Variants in MMD observed in about 807,000 individuals in gnomAD.
MMD encodes the protein monocyte to macrophage differentiation associated, also known as monocyte to macrophage differentiation factor.
Under a neutral mutation model 33.6 loss-of-function variants are expected in MMD, and 22 were observed. The ratio of observed to expected loss-of-function variants is 0.66; its 90% CI spans 0.47 to 0.94. The LOEUF is 0.94. Among genes scored for constraint, MMD ranks in the 40% least tolerant of loss-of-function variants. The pLI is 0.00. For missense variants in MMD, 242 were observed against 309.8 expected, an observed-to-expected ratio of 0.78 and a Z score of 1.64; for synonymous variants, 97 against 103.2, an observed-to-expected ratio of 0.94 and a Z score of 0.36.
chr17:55,403,669 C>T (rs747798512), intron 5 of MMD, 98 bp downstream of exon 5: 2 of 760,204 alleles, frequency 2.6e-6, no homozygotes, highest in Non-Finnish European at 4.2e-6. Context: ...TGTATTTCTA[C>T]TGTTTTGAAG....
intron 6 of MMD, among the ~76,000 whole-genome samples, chr17:55,399,953 G>GCACAAACC (rs1209056418): frequency 6.6e-6 from 1 of 152,114 alleles, no homozygotes; most frequent in Non-Finnish European, 1.5e-5. Flanking sequence ...CTATTAAGCT[G>GCACAAACC]CACAAACCTT....
At chr17:55,404,063 C>T (rs1247301171) in intron 4 of MMD, among the ~76,000 whole-genome samples, 195 bp from the exon 5 acceptor site, 1 of 152,146 alleles carries the variant, frequency 6.6e-6, no homozygotes, top group African/African-American at 2.4e-5. Context: ...ACCTTTAAGA[C>T]TCAGAATTAG....
At chr17:55,411,565 A>G in intron 2 of MMD, 148 bp from the exon 3 acceptor site, 1 of 1,032,822 alleles carries the variant, frequency 9.7e-7, no homozygotes, top group Non-Finnish European at 1.4e-6. Flanking sequence ...TCATAACGAG[A>G]GCCAGATGAA....
chr17:55,400,653 C>A (rs142306911), intron 6 of MMD, among the ~76,000 whole-genome samples: 30 of 151,706 alleles, frequency 2.0e-4, no homozygotes, highest in African/African-American at 7.0e-4. Context: ...AGGGTTCAAA[C>A]GAAACACCTT....
chr17:55,406,838 T>C (rs948581319), intron 4 of MMD, among the ~76,000 whole-genome samples: 4 of 151,338 alleles, frequency 2.6e-5, no homozygotes, highest in African/African-American at 4.9e-5. Context: ...GTGAGCTGCA[T>C]GGCCAACACA....
intron 2 of MMD, among the ~76,000 whole-genome samples, chr17:55,412,783 G>A (rs889008794): frequency 4.7e-4 from 72 of 152,058 alleles, no homozygotes; most frequent in Non-Finnish European, 9.0e-4. Flanking sequence ...TCTATGGCTC[G>A]CCTTCCTATT....
At chr17:55,414,746 C>T (rs943611976) in intron 1 of MMD, among the ~76,000 whole-genome samples, 38 of 152,172 alleles carry the variant, frequency 2.5e-4, no homozygotes, top group Middle Eastern at 3.4e-3. Context: ...ACCCTACATC[C>T]CATGATTAAC....
chr17:55,411,864 C>T (rs1010996992), intron 2 of MMD, among the ~76,000 whole-genome samples: 2 of 152,092 alleles, frequency 1.3e-5, no homozygotes, highest in African/African-American at 4.8e-5. Flanking sequence ...ATCGCTTGAG[C>T]CCTGGAGTTC....
rs1907028796 is a variant in MMD, at chr17:55,394,503, C to T, written c.548G>A (p.Cys183Tyr). 8 of 1,523,242 alleles carry T rather than the reference C, an allele frequency of 5.3e-6. No individual in the cohort carries two copies. The highest frequency in any genetic ancestry group is 7.0e-6 in the Non-Finnish European group (8 of 1,139,822). The allele number at this position is 1,523,242 out of a possible 1,614,324, so 94.4% of individuals were successfully genotyped here. A position where few individuals can be genotyped will look rare whatever the true frequency, so the allele number is the denominator to read the frequency against. The change falls in exon 7 of 7, where the codon TGT (cysteine) becomes TAT (tyrosine). Residue 183 changes from cysteine to tyrosine, a missense_variant. Coordinates refer to ENST00000262065, the MANE Select transcript of MMD (RefSeq NM_012329.3). Reference protein sequence around the residue: ...NNTDGLQELACGGLIYCLGVV... With the variant: ...NNTDGLQELAYGGLIYCLGVV... ...TCCCAAGCAATAAATTAAGCCCCCA[C>T]AGGCAAGTTCCTGAAGTCCATCGGT... is the stretch of plus-strand genomic sequence containing the variant.
intron 5 of MMD, among the ~76,000 whole-genome samples, chr17:55,402,094 AAAAAAAAAAAGAAAAG>A (rs918762295): frequency 8.6e-5 from 13 of 151,754 alleles, no homozygotes; most frequent in Admixed American, 5.2e-4. Context: ...TCTCAAAAAA[AAAAAAAAAAAGAAAAG>A]AAAAAAAAAA....
At chr17:55,411,557 A>G (rs1378953459) in intron 2 of MMD, 140 bp from the exon 3 acceptor site, 4 of 1,082,658 alleles carry the variant, frequency 3.7e-6, no homozygotes, top group Non-Finnish European at 5.1e-6. Flanking sequence ...CTGGATAATC[A>G]TAACGAGAGC....
chr17:55,410,623 AATAAT>A (rs1401607451), intron 3 of MMD, among the ~76,000 whole-genome samples: 1 of 152,240 alleles, frequency 6.6e-6, no homozygotes, highest in Non-Finnish European at 1.5e-5. Flanking sequence ...ACTCTGTTTG[AATAAT>A]ATACACAAGA....
chr17:55,415,902 A>C (rs1482100596), intron 1 of MMD, among the ~76,000 whole-genome samples: 1 of 152,270 alleles, frequency 6.6e-6, no homozygotes, highest in East Asian at 1.9e-4. Flanking sequence ...AACTATTATT[A>C]AGCATCATCT....
At chr17:55,411,528 G>C in intron 2 of MMD, 111 bp from the exon 3 acceptor site, 2 of 1,266,204 alleles carry the variant, frequency 1.6e-6, no homozygotes, top group Non-Finnish European at 2.1e-6. Flanking sequence ...AATAATCTTA[G>C]AGCAAGTATT....
chr17:55,399,475 A>C (rs1291203218), intron 6 of MMD, among the ~76,000 whole-genome samples: 5 of 152,214 alleles, frequency 3.3e-5, no homozygotes, highest in Non-Finnish European at 7.3e-5. Flanking sequence ...GCATATGTAC[A>C]TAACTCAAGC....
intron 1 of MMD, among the ~76,000 whole-genome samples, chr17:55,419,859 AGT>A (rs1364484118): frequency 1.3e-5 from 2 of 152,204 alleles, no homozygotes; most frequent in Non-Finnish European, 2.9e-5. Flanking sequence ...AGAAAATTAC[AGT>A]CTATGCCACA....
intron 4 of MMD, chr17:55,404,490 T>C: frequency 1.0e-6 from 1 of 985,424 alleles, no homozygotes; most frequent in Non-Finnish European, 1.2e-6. Flanking sequence ...CTGCTTGCCC[T>C]TTAATTTCTG....
intron 6 of MMD, among the ~76,000 whole-genome samples, chr17:55,395,084 A>G (rs925814791): frequency 1.3e-5 from 2 of 152,242 alleles, no homozygotes; most frequent in Admixed American, 1.3e-4. Context: ...GACCTCTGAA[A>G]TCACAGATCA....
At chr17:55,413,411 G>A (rs1161099154) in intron 2 of MMD, among the ~76,000 whole-genome samples, 1 of 151,932 alleles carries the variant, frequency 6.6e-6, no homozygotes, top group Non-Finnish European at 1.5e-5. Flanking sequence ...ACATTAACAG[G>A]AAAACTGAAA....
Sources: allele counts gnomAD v4.1 joint callset (sites outside exome capture counted in the v4.1 genomes callset), GRCh38; gene constraint gnomAD v4.1.1; transcripts MANE v1.5; gene names NCBI Gene and HGNC (gene_info 2026-07-23, HGNC 2026-07-21).